Variants in MSANTD2 observed in about 807,000 individuals in gnomAD.
MSANTD2 encodes myb/SANT-like DNA-binding domain-containing protein 2.
MSANTD2 carries 19 observed loss-of-function variants against 52.6 expected under a neutral mutation model. That is an observed-to-expected ratio of 0.36 (90% CI 0.25 to 0.53). The LOEUF is 0.53. Ranked by LOEUF, MSANTD2 falls within the 20% of genes least tolerant of loss-of-function variation. The pLI is 0.91. For synonymous variants in MSANTD2, 291 were observed against 289.7 expected (o/e 1.00, Z -0.04); for missense variants, 558 against 716.3 (o/e 0.78, Z 2.52).
At chr11:124,793,354 T>G (rs1945391901) in intron 1 of MSANTD2, among the ~76,000 whole-genome samples, 1 of 152,198 alleles carries the variant, frequency 6.6e-6, no homozygotes, top group Admixed American at 6.5e-5. Context: ...ATACCAGACT[T>G]AACATTTTCT....
intron 1 of MSANTD2, among the ~76,000 whole-genome samples, chr11:124,777,477 A>C (rs962818575): frequency 2.0e-5 from 3 of 152,240 alleles, no homozygotes; most frequent in Non-Finnish European, 4.4e-5. Flanking sequence ...AAACCACAGC[A>C]AAGACTCTTA....
intron 2 of MSANTD2, among the ~76,000 whole-genome samples, chr11:124,773,909 T>A (rs1944636004): frequency 6.6e-6 from 1 of 152,200 alleles, no homozygotes. Flanking sequence ...CATAACCTCC[T>A]GTTAATGTAC....
chr11:124,800,099 G>C lies in MSANTD2; in HGVS notation c.282C>G (p.Ala94=), dbSNP rs759650697. ...ACATGCCCCGGCAGGCGGCGGCGGC[G>C]GCTGCCGCAGCCCCGCCACCGCCGC... ...PGGGGGGAAA[A]AAAACRGMSW... Residue 94 remains alanine (A), a synonymous_variant, in exon 1 of 4, where the codon GCC becomes GCG. Coordinates refer to ENST00000374979, the MANE Select transcript of MSANTD2 (RefSeq NM_001308027.2). The surrounding 1 kb of genome is among the most constrained non-coding windows in gnomAD (Gnocchi z 4.3). 75 of 1,480,168 alleles carry C rather than the reference G, an allele frequency of 5.1e-5. No individual in the cohort carries two copies. Among genetic ancestry groups the C allele is most frequent in the Non-Finnish European group, 6.1e-5 (69 of 1,125,134 alleles). The allele number at this position is 1,480,168 out of a possible 1,614,324, so 91.7% of individuals were successfully genotyped here. A position where few individuals can be genotyped will look rare whatever the true frequency, so the allele number is the denominator to read the frequency against.
In MSANTD2 at chr11:124,800,324, C is replaced by T. The variant is rs1352911546; in HGVS notation, c.57G>A (p.Lys19=). The change falls in exon 1 of 4, where the codon AAG becomes AAA. Residue 19 remains lysine, a synonymous_variant. Coordinates refer to ENST00000374979, the MANE Select transcript of MSANTD2 (RefSeq NM_001308027.2). This position sits in a 1 kb window ranked among gnomAD's most constrained non-coding sequence, Gnocchi z 4.3. ...GAGAAGCCGGGGAAAGCACCTCCAT[C>T]TTCGGAATTTTTAGCGGCGAGTTGG... ...LPANSPLKIP[K]MEVLSPASPG... is the part of the protein sequence containing the mutation. 12 of 1,562,680 alleles carry T rather than the reference C, an allele frequency of 7.7e-6. No homozygotes were observed. The highest frequency in any genetic ancestry group is 1.0e-5 in the Non-Finnish European group (12 of 1,157,130).
In MSANTD2 at chr11:124,778,692, C is replaced by T. The variant is rs562623159; in HGVS notation, c.511-3718G>A. ...CTTCATGACTATGAAGGGAAAAGAGCCAGAGAAAAGACTTCAAAGATGTCC... is the reference window on the plus strand; with the variant it reads ...CTTCATGACTATGAAGGGAAAAGAGTCAGAGAAAAGACTTCAAAGATGTCC... On this transcript the variant is annotated intron_variant, in intron 1 of 3. Coordinates refer to ENST00000374979, the MANE Select transcript of MSANTD2 (RefSeq NM_001308027.2). Among the ~76,000 whole-genome samples the T allele has an allele frequency of 1.2e-4, 18 of 152,080 alleles. No individual in the cohort carries two copies. In the South Asian group the frequency reaches 3.3e-3, roughly 28 times the overall value.
chr11:124,796,871 T>C (rs760440706), intron 1 of MSANTD2, among the ~76,000 whole-genome samples: 8 of 152,252 alleles, frequency 5.3e-5, no homozygotes, highest in Admixed American at 2.0e-4. Flanking sequence ...TTGTTTTAAA[T>C]CTGCATTTCT....
At chr11:124,776,969 A>C (rs1274541305) in intron 1 of MSANTD2, among the ~76,000 whole-genome samples, 27 of 152,242 alleles carry the variant, frequency 1.8e-4, no homozygotes, top group Admixed American at 1.8e-3. Context: ...CAAACCAGAA[A>C]TATGAACTTG....
At chr11:124,770,314 G>GTT (rs59573200) in intron 3 of MSANTD2, among the ~76,000 whole-genome samples, 2 of 143,234 alleles carry the variant, frequency 1.4e-5, no homozygotes, top group Non-Finnish European at 3.1e-5. Flanking sequence ...TTGTTTGTTT[G>GTT]TTTTTTTTTT....
chr11:124,778,595 C>T lies in MSANTD2; in HGVS notation c.511-3621G>A, dbSNP rs75911862. On this transcript the variant is annotated intron_variant, in intron 1 of 3. Coordinates refer to ENST00000374979, the MANE Select transcript of MSANTD2 (RefSeq NM_001308027.2). ...GGTAACAACTTGATCGGTGGTCAAC[C>T]CAGAGGAGTTCATGGTATTTGATTT... 2.7e-3 allele frequency among the ~76,000 whole-genome samples: 415 copies of T among 152,074 alleles called. 3 individuals carry two copies. Among genetic ancestry groups the T allele is most frequent in the African/African-American group, 9.4e-3 (389 of 41,470 alleles).
At chr11:124,783,748 G>C (rs1397782694) in intron 1 of MSANTD2, 6 of 985,094 alleles carry the variant, frequency 6.1e-6, no homozygotes, top group African/African-American at 1.7e-5. Flanking sequence ...TAGCAGCTGA[G>C]GGTCGTGCCC....
At chr11:124,786,504 G>T (rs1438839613) in intron 1 of MSANTD2, among the ~76,000 whole-genome samples, 2 of 152,146 alleles carry the variant, frequency 1.3e-5, no homozygotes, top group Admixed American at 1.3e-4. Flanking sequence ...CTGTCAAAAA[G>T]TAATTCTACA....
intron 1 of MSANTD2, among the ~76,000 whole-genome samples, chr11:124,794,368 G>C (rs1282874400): frequency 6.6e-6 from 1 of 152,180 alleles, no homozygotes; most frequent in Non-Finnish European, 1.5e-5. Flanking sequence ...ATGATTGGTA[G>C]TCAAAGATGG....
intron 1 of MSANTD2, chr11:124,783,984 A>G (rs1435154066): frequency 2.0e-6 from 2 of 985,322 alleles, no homozygotes; most frequent in African/African-American, 1.7e-5. Context: ...TTAGGGTACA[A>G]GAATCCTTCA....
intron 1 of MSANTD2, among the ~76,000 whole-genome samples, chr11:124,785,637 A>G (rs1192800827): frequency 6.6e-6 from 1 of 152,114 alleles, no homozygotes; most frequent in Non-Finnish European, 1.5e-5. Flanking sequence ...CCTTGGGCAG[A>G]GTGAAATTCT....
At chr11:124,795,409 G>A (rs184029779) in intron 1 of MSANTD2, among the ~76,000 whole-genome samples, 2 of 152,350 alleles carry the variant, frequency 1.3e-5, no homozygotes, top group Admixed American at 1.3e-4. Context: ...TGACTGAAGT[G>A]TGAATGCAGC....
intron 1 of MSANTD2, among the ~76,000 whole-genome samples, chr11:124,799,613 C>T (rs1170534525): frequency 7.2e-5 from 1 of 13,982 alleles, no homozygotes; most frequent in African/African-American, 3.3e-4. Flanking sequence ...AACTTCAGAG[C>T]GCAGGAACAT....
At chr11:124,776,207 T>C (rs1944735788) in intron 1 of MSANTD2, 2 of 152,236 alleles carry the variant, frequency 1.3e-5, no homozygotes, top group Non-Finnish European at 2.9e-5. Flanking sequence ...AAACGTGAGA[T>C]TGCTCTCCAT....
intron 1 of MSANTD2, among the ~76,000 whole-genome samples, chr11:124,777,405 C>T (rs754875337): frequency 1.3e-5 from 2 of 152,230 alleles, no homozygotes; most frequent in Admixed American, 6.5e-5. Flanking sequence ...AGGTGCCACA[C>T]ATATCAGGAA....
At chr11:124,791,810 G>A in intron 1 of MSANTD2, 1 of 536,166 alleles carries the variant, frequency 1.9e-6, no homozygotes. Flanking sequence ...CCCGCCAGGG[G>A]CAGGTATTGT....
Sources: gnomAD v4.1 joint callset for allele counts (sites outside exome capture counted in the v4.1 genomes callset) on GRCh38, gnomAD v4.1.1 for gene constraint, Gnocchi (gnomAD v3.1) non-coding constraint, MANE v1.5 for transcripts, NCBI Gene and HGNC (gene_info 2026-07-23, HGNC 2026-07-21) for gene names.